The following SPATS2L variants were observed in gnomAD, a reference collection of about 807,000 sequenced individuals.
SPATS2L encodes the protein spermatogenesis associated serine rich 2 like.
SPATS2L carries 30 observed loss-of-function variants against 59.6 expected under a neutral mutation model. The observed-to-expected ratio is 0.50, with a 90% CI of 0.38 to 0.68. The LOEUF is 0.68. Among genes scored for constraint, SPATS2L ranks in the 30% least tolerant of loss-of-function variants. The pLI, the probability that SPATS2L is intolerant of heterozygous loss-of-function variation, is 0.00. For missense variants in SPATS2L, 615 were observed against 700.0 expected (o/e 0.88, Z 1.37); for synonymous variants, 252 against 263.5 (o/e 0.96, Z 0.42).
chr2:200,378,866 T>G (rs1398240025), intron 2 of SPATS2L, among the ~76,000 whole-genome samples: 1 of 152,194 alleles, frequency 6.6e-6, no homozygotes, highest in Non-Finnish European at 1.5e-5. Flanking sequence ...AATCCATGTT[T>G]TCTTTGGACG....
At chr2:200,317,343 G>A (rs1013013271) in intron 1 of SPATS2L, among the ~76,000 whole-genome samples, 6 of 152,246 alleles carry the variant, frequency 3.9e-5, no homozygotes, top group South Asian at 2.1e-4. Flanking sequence ...AGTGAGTAAC[G>A]CCTACAATTC....
intron 9 of SPATS2L, among the ~76,000 whole-genome samples, chr2:200,465,102 G>A (rs2086502530): frequency 6.6e-6 from 1 of 152,228 alleles, no homozygotes; most frequent in Admixed American, 6.5e-5. Context: ...GAACTACATA[G>A]TGCAGTTCAC....
chr2:200,323,413 A>G (rs1229100832), intron 1 of SPATS2L, among the ~76,000 whole-genome samples: 1 of 152,240 alleles, frequency 6.6e-6, no homozygotes, highest in Non-Finnish European at 1.5e-5. Context: ...TTTAATGAGA[A>G]TATTTTAAAT....
chr2:200,466,582 T>C (rs1290521709), intron 9 of SPATS2L, among the ~76,000 whole-genome samples: 1 of 152,242 alleles, frequency 6.6e-6, no homozygotes, highest in Middle Eastern at 3.2e-3. Flanking sequence ...CAGTGTCTTC[T>C]CTACGTGTGC....
intron 1 of SPATS2L, among the ~76,000 whole-genome samples, chr2:200,328,602 T>C (rs1313553684): frequency 6.6e-6 from 1 of 152,172 alleles, no homozygotes; most frequent in Non-Finnish European, 1.5e-5. Flanking sequence ...AGTGCCTCCC[T>C]CGCGGTTGTT....
chr2:200,425,032 G>C (rs2106030347), intron 6 of SPATS2L, among the ~76,000 whole-genome samples: 1 of 152,174 alleles, frequency 6.6e-6, no homozygotes, highest in South Asian at 2.1e-4. Flanking sequence ...CTGTGCTTGG[G>C]CGCAGCACCT....
At chr2:200,320,170 A>G (rs1414300502) in intron 1 of SPATS2L, among the ~76,000 whole-genome samples, 3 of 152,150 alleles carry the variant, frequency 2.0e-5, no homozygotes. Flanking sequence ...GAGTCAGGGA[A>G]AGACTTAGTC....
rs777764312 is a variant in SPATS2L at position 200,472,805 on chromosome 2, G to C, written c.1061-27G>C. 6.3e-6 allele frequency: 10 copies of C among 1,592,664 alleles called. No individual in the cohort carries two copies. The South Asian group carries it at 1.1e-4, about 18-fold the overall frequency. ...GGCAGCAGTGTTGGAGGTGCAGCTC[G>C]TAACACTGAGCACTTTATTATTGCA... On this transcript the variant is annotated intron_variant, in intron 11 of 12. Coordinates refer to ENST00000409140, the MANE Select transcript of SPATS2L (RefSeq NM_001100423.2).
At chr2:200,471,556 C>CA (rs2106236029) in intron 11 of SPATS2L, among the ~76,000 whole-genome samples, 1 of 152,250 alleles carries the variant, frequency 6.6e-6, no homozygotes, top group Non-Finnish European at 1.5e-5. Flanking sequence ...CGTAATCATC[C>CA]AAAGGCCCTT....
chr2:200,361,177 G>T (rs2081094487), intron 2 of SPATS2L, among the ~76,000 whole-genome samples: 1 of 143,930 alleles, frequency 6.9e-6, no homozygotes, highest in Non-Finnish European at 1.5e-5. Flanking sequence ...GCACATTATA[G>T]AATGGACATA....
intron 6 of SPATS2L, among the ~76,000 whole-genome samples, chr2:200,424,027 G>GT (rs1220985098): frequency 5.9e-5 from 9 of 152,348 alleles, no homozygotes; most frequent in African/African-American, 1.7e-4. Context: ...GGACAATGCT[G>GT]TGTGTCAGCA....
At chr2:200,351,540 G>A (rs1376330374) in intron 2 of SPATS2L, among the ~76,000 whole-genome samples, 1 of 151,884 alleles carries the variant, frequency 6.6e-6, no homozygotes, top group East Asian at 1.9e-4. Flanking sequence ...ATGTATTTTG[G>A]TTAATACTAA....
intron 3 of SPATS2L, among the ~76,000 whole-genome samples, chr2:200,391,862 A>C (rs931441698): frequency 6.6e-6 from 1 of 152,146 alleles, no homozygotes. Context: ...AAATGACCCC[A>C]AGACACAGAA....
intron 6 of SPATS2L, 60 bp downstream of exon 6, chr2:200,419,556 G>A (rs1354723306): frequency 5.1e-6 from 8 of 1,563,544 alleles, no homozygotes; most frequent in Non-Finnish European, 6.1e-6. Context: ...CACAAAGGGA[G>A]CTCATTGGGG....
At chr2:200,414,057 A>G (rs2082976121) in intron 4 of SPATS2L, among the ~76,000 whole-genome samples, 5 of 152,176 alleles carry the variant, frequency 3.3e-5, no homozygotes. Context: ...AAAAAGCTTT[A>G]GGAAAGGGTA....
chr2:200,418,667 A>G (rs2083175775), intron 5 of SPATS2L, among the ~76,000 whole-genome samples: 1 of 152,134 alleles, frequency 6.6e-6, no homozygotes, highest in African/African-American at 2.4e-5. Context: ...TTCCTAGACA[A>G]TGACAGCAAT....
chr2:200,306,053 C>G, upstream of SPATS2L: 7 of 985,372 alleles, frequency 7.1e-6, no homozygotes, highest in Non-Finnish European at 8.4e-6. Context: ...CGTTTGGAGC[C>G]CAGTGTGCAG....
chr2:200,371,585 T>A (rs1448868689), intron 2 of SPATS2L, among the ~76,000 whole-genome samples: 1 of 152,182 alleles, frequency 6.6e-6, no homozygotes, highest in Admixed American at 6.5e-5. Flanking sequence ...TATCTCAGGG[T>A]GAGAAGACTC....
chr2:200,310,161 G>C (rs572746831), intron 1 of SPATS2L, among the ~76,000 whole-genome samples: 2 of 152,108 alleles, frequency 1.3e-5, no homozygotes, highest in African/African-American at 4.8e-5. Flanking sequence ...ATGGTGGATG[G>C]CCTGCTGTCA....
Sources: allele counts gnomAD v4.1 joint callset (sites outside exome capture counted in the v4.1 genomes callset), GRCh38; gene constraint gnomAD v4.1.1; transcripts MANE v1.5; gene names NCBI Gene and HGNC (gene_info 2026-07-23, HGNC 2026-07-21).